RIMS1: variants seen among roughly 807,000 people sequenced by gnomAD.
The protein encoded by RIMS1 is regulating synaptic membrane exocytosis protein 1.
RIMS1 carries 83 observed loss-of-function variants against 214.1 expected under a neutral mutation model. The ratio of observed to expected loss-of-function variants is 0.39; its 90% CI spans 0.32 to 0.47. RIMS1 has a LOEUF of 0.47. Ranked by LOEUF, RIMS1 falls within the 20% of genes least tolerant of loss-of-function variation. The pLI is 0.99. For missense variants in RIMS1, 2,050 were observed against 2,161.8 expected, an observed-to-expected ratio of 0.95 and a Z score of 1.03; for synonymous variants, 793 against 786.8, an observed-to-expected ratio of 1.01 and a Z score of -0.13.
intron 2 of RIMS1, among the ~76,000 whole-genome samples, chr6:72,088,979 T>C (rs1320230341): frequency 6.6e-6 from 1 of 150,902 alleles, no homozygotes; most frequent in Non-Finnish European, 1.5e-5. Flanking sequence ...GGGAGAGAGA[T>C]AAAATGGAAA....
At chr6:72,366,769 C>T (rs927584529) in intron 29 of RIMS1, 17 of 985,586 alleles carry the variant, frequency 1.7e-5, no homozygotes, top group South Asian at 4.7e-5. Context: ...AGCCAGCCAC[C>T]GCACAAGTTA....
intron 29 of RIMS1, among the ~76,000 whole-genome samples, chr6:72,380,163 C>T (rs1055699504): frequency 1.3e-4 from 20 of 152,128 alleles, no homozygotes; most frequent in Admixed American, 7.2e-4. Context: ...AACCAAACAC[C>T]GCATGTTCTC....
At chr6:72,280,052 A>G (rs549784083) in intron 23 of RIMS1, among the ~76,000 whole-genome samples, 1 of 151,994 alleles carries the variant, frequency 6.6e-6, no homozygotes, top group Non-Finnish European at 1.5e-5. Flanking sequence ...TTTATTTTTA[A>G]ATTTATTTCA....
At chr6:72,371,136 G>A (rs984272102) in intron 29 of RIMS1, among the ~76,000 whole-genome samples, 2 of 152,190 alleles carry the variant, frequency 1.3e-5, no homozygotes, top group East Asian at 3.9e-4. Context: ...GTGTGTCTGT[G>A]TCTGTATGTG....
intron 15 of RIMS1, among the ~76,000 whole-genome samples, chr6:72,251,590 CCT>C (rs2073350683): frequency 6.6e-6 from 1 of 152,100 alleles, no homozygotes; most frequent in Admixed American, 6.6e-5. Context: ...AAGCCAAAAA[CCT>C]CTGAATTAAA....
chr6:72,031,243 T>C (rs137884268), intron 2 of RIMS1, among the ~76,000 whole-genome samples: 1 of 152,238 alleles, frequency 6.6e-6, no homozygotes, highest in Non-Finnish European at 1.5e-5. Context: ...AGAAGAGATA[T>C]CACCTCTGAT....
At chr6:72,186,553 A>G (rs982633706) in intron 6 of RIMS1, among the ~76,000 whole-genome samples, 1 of 152,152 alleles carries the variant, frequency 6.6e-6, no homozygotes, top group Non-Finnish European at 1.5e-5. Context: ...CTGTTCACTC[A>G]GATTTAAAGT....
At chr6:72,180,271 C>T (rs1330474191) in intron 5 of RIMS1, among the ~76,000 whole-genome samples, 1 of 152,142 alleles carries the variant, frequency 6.6e-6, no homozygotes, top group African/African-American at 2.4e-5. Context: ...GGGAATCTGA[C>T]CTATCAGAAA....
intron 2 of RIMS1, among the ~76,000 whole-genome samples, chr6:72,034,236 A>G (rs1223936990): frequency 6.6e-6 from 1 of 152,206 alleles, no homozygotes; most frequent in Non-Finnish European, 1.5e-5. Flanking sequence ...AGTATGGGAC[A>G]TACTTATCCC....
At chr6:71,991,669 G>A (rs1460538654) in intron 2 of RIMS1, among the ~76,000 whole-genome samples, 1 of 152,194 alleles carries the variant, frequency 6.6e-6, no homozygotes, top group Non-Finnish European at 1.5e-5. Context: ...GAGAAATAAA[G>A]TACTGTAGTT....
intron 2 of RIMS1, among the ~76,000 whole-genome samples, chr6:71,973,978 G>A (rs949958339): frequency 2.0e-5 from 3 of 152,146 alleles, no homozygotes; most frequent in Non-Finnish European, 4.4e-5. Flanking sequence ...GAGTCATGCT[G>A]TACTGAGAGG....
At chr6:72,169,713 G>A (rs1266531555) in intron 4 of RIMS1, among the ~76,000 whole-genome samples, 1 of 152,062 alleles carries the variant, frequency 6.6e-6, no homozygotes, top group African/African-American at 2.4e-5. Flanking sequence ...AGACCAGCCT[G>A]GGCAACATGG....
At position 72,307,356 on chromosome 6, in the gene RIMS1, G is replaced by A. The variant is rs778328311; in HGVS notation, c.3949G>A (p.Glu1317Lys). The change falls in exon 27 of 34, where the codon GAG (glutamate) becomes AAG (lysine). Residue 1317 changes from glutamate (E) to lysine (K), a missense_variant. Physicochemically the swap from Glu to Lys is moderately conservative, Grantham distance 56. Around this residue, in one of 6 missense-constraint regions of RIMS1, gnomAD observed 889 missense variants for 885.5 expected, o/e 1.00. Transcript: ENST00000521978. ...TGGTTCTAGTCAAGAACTTGATCGCGAGCAATATTCCAAGGTAAAATTAGT... is the reference window on the plus strand; with the variant it reads ...TGGTTCTAGTCAAGAACTTGATCGCAAGCAATATTCCAAGGTAAAATTAGT... Reference protein sequence around the residue: ...GSGSSQELDREQYSKYNIHKD... With the variant: ...GSGSSQELDRKQYSKYNIHKD... The A allele has an allele frequency of 2.7e-5, 43 of 1,595,012 alleles. No homozygotes were observed. The highest frequency in any genetic ancestry group is 1.1e-4 in the South Asian group (10 of 87,254).
At chr6:72,236,024 T>C (rs1383630137) in intron 8 of RIMS1, among the ~76,000 whole-genome samples, 1 of 152,106 alleles carries the variant, frequency 6.6e-6, no homozygotes, top group African/African-American at 2.4e-5. Context: ...GGGATCACTT[T>C]CTAATTACAA....
At chr6:72,257,928 C>G (rs1159294567) in intron 16 of RIMS1, among the ~76,000 whole-genome samples, 197 bp from the exon 17 acceptor site, 1 of 152,088 alleles carries the variant, frequency 6.6e-6, no homozygotes, top group Admixed American at 6.6e-5. Flanking sequence ...AAAACTGTAA[C>G]CTGTTTCAAT....
At chr6:71,909,319 A>G (rs975418320) in intron 1 of RIMS1, among the ~76,000 whole-genome samples, 3 of 152,168 alleles carry the variant, frequency 2.0e-5, no homozygotes, top group Admixed American at 2.0e-4. Context: ...TCATACTTAA[A>G]GTTTTAAATA....
chr6:72,148,721 T>G, intron 4 of RIMS1: 1 of 438,232 alleles, frequency 2.3e-6, no homozygotes, highest in South Asian at 1.6e-5. Flanking sequence ...GGGTTTTTTT[T>G]TTTTTTTCTA....
chr6:72,258,513 T>C (rs2076782274), intron 17 of RIMS1, among the ~76,000 whole-genome samples: 1 of 152,176 alleles, frequency 6.6e-6, no homozygotes, highest in Admixed American at 6.6e-5. Flanking sequence ...GGAATAGTTT[T>C]TGAATAATTG....
chr6:72,386,389 C>G (rs1015974014), intron 29 of RIMS1, among the ~76,000 whole-genome samples: 3 of 152,238 alleles, frequency 2.0e-5, no homozygotes, highest in Admixed American at 6.5e-5. Context: ...AGCCTGAGAT[C>G]ACTGGTGACA....
Sources: allele counts gnomAD v4.1 joint callset (sites outside exome capture counted in the v4.1 genomes callset), GRCh38; gene constraint gnomAD v4.1.1; regional missense constraint gnomAD v4.1.1; transcripts MANE v1.5; gene names NCBI Gene and HGNC (gene_info 2026-07-23, HGNC 2026-07-21).